Variants in COL23A1 observed in about 807,000 individuals in gnomAD.
COL23A1 encodes collagen alpha-1(XXIII) chain.
Under a neutral mutation model 99.3 loss-of-function variants are expected in COL23A1, and 97 were observed. That is an observed-to-expected ratio of 0.98 (90% confidence interval 0.83 to 1.16). The LOEUF (loss-of-function observed/expected upper bound fraction) is 1.16, where lower values mean the gene tolerates loss of function less well. COL23A1 is among the 50% of genes most tolerant of loss of function. The pLI is 0.00. For synonymous variants in COL23A1, 320 were observed against 308.2 expected (o/e 1.04, Z -0.40); for missense variants, 762 against 757.4 (o/e 1.01, Z -0.07).
At chr5:178,543,261 C>T (rs1025410549) in intron 2 of COL23A1, among the ~76,000 whole-genome samples, 8 of 152,138 alleles carry the variant, frequency 5.3e-5, no homozygotes, top group African/African-American at 1.9e-4. Flanking sequence ...GCATGCACCA[C>T]CACACCTTGC....
chr5:178,566,268 G>C (rs1191575188), intron 1 of COL23A1, among the ~76,000 whole-genome samples: 1 of 152,120 alleles, frequency 6.6e-6, no homozygotes, highest in African/African-American at 2.4e-5. Flanking sequence ...GGAGATTAAG[G>C]GTGACAGAAC....
chr5:178,307,329 T>C lies in COL23A1; in HGVS notation c.362-410A>G, dbSNP rs1486037514. On this transcript the variant is annotated intron_variant, in intron 2 of 28. Coordinates refer to ENST00000390654, the MANE Select transcript of COL23A1 (RefSeq NM_173465.4). This position sits in a 1 kb window ranked among gnomAD's most constrained non-coding sequence, Gnocchi z 4.2. ...TTAGGAAAGCCCTGACAAACGCTGC[T>C]TCATATTCACTAAAGTAAAACAACA... 6.6e-6 allele frequency among the ~76,000 whole-genome samples: 1 copy of C among 152,210 alleles called. No individual in the cohort carries two copies. The highest frequency in any genetic ancestry group is 1.9e-4 in the East Asian group (1 of 5,190).
chr5:178,479,460 C>T (rs1039306537), intron 2 of COL23A1, among the ~76,000 whole-genome samples: 2 of 152,216 alleles, frequency 1.3e-5, no homozygotes, highest in Non-Finnish European at 1.5e-5. Flanking sequence ...TGCGCCACAG[C>T]GGCCGGTGAG....
chr5:178,358,116 TGTGTAC>T (rs1645813002), intron 2 of COL23A1, among the ~76,000 whole-genome samples: 1 of 151,484 alleles, frequency 6.6e-6, no homozygotes, highest in African/African-American at 2.4e-5. Flanking sequence ...TGTATGTGTA[TGTGTAC>T]GTGTGTACGT....
In COL23A1 at chr5:178,467,354, T is replaced by C. The variant is rs1161025877; in HGVS notation, c.361+93328A>G. The stretch of plus-strand genomic sequence containing the variant: ...TTCCACCCCCTTGGCCAGCAGCCTC[T>C]AAGTGACAAACGCTCCCTGACTCTG... On this transcript the variant is annotated intron_variant, in intron 2 of 28. Transcript: ENST00000390654. 3.3e-5 allele frequency among the ~76,000 whole-genome samples: 5 copies of C among 152,182 alleles called. No individual in the cohort carries two copies. In the East Asian group the frequency reaches 7.7e-4, roughly 23 times the overall value.
At position 178,309,033 on chromosome 5, in the gene COL23A1, AG is replaced by A. The variant is rs1758521464; in HGVS notation, c.362-2115del. On this transcript the variant is annotated intron_variant, in intron 2 of 28. Transcript: ENST00000390654. The surrounding 1 kb of genome is among the most constrained non-coding windows in gnomAD (Gnocchi z 4.7). Reference sequence around the variant, plus strand: ...TAGGCCCCGGGCCCCAGGCAGAGTGAGGGGGCATGGCAGGAAAGGGGCCAGG... The same window carrying A: ...TAGGCCCCGGGCCCCAGGCAGAGTGAGGGGCATGGCAGGAAAGGGGCCAGG... Among the ~76,000 whole-genome samples the A allele has an allele frequency of 6.6e-6, 1 of 152,056 alleles. No homozygotes were observed. The highest frequency in any genetic ancestry group is 1.5e-5 in the Non-Finnish European group (1 of 67,992).
intron 25 of COL23A1, among the ~76,000 whole-genome samples, chr5:178,243,652 A>G (rs1764528392): frequency 6.6e-6 from 1 of 152,162 alleles, no homozygotes; most frequent in South Asian, 2.1e-4. Context: ...GGGCTGTTCT[A>G]TCACAGGTGG....
intron 2 of COL23A1, among the ~76,000 whole-genome samples, chr5:178,450,858 G>A (rs1011954946): frequency 1.3e-5 from 2 of 152,200 alleles, no homozygotes; most frequent in Non-Finnish European, 2.9e-5. Flanking sequence ...ATCATGAACT[G>A]CAGACAGAGC....
intron 2 of COL23A1, among the ~76,000 whole-genome samples, chr5:178,443,377 C>T (rs1446950602): frequency 6.6e-6 from 1 of 152,222 alleles, no homozygotes; most frequent in Non-Finnish European, 1.5e-5. Flanking sequence ...CCTCTTTGTT[C>T]AGATTCTGGC....
chr5:178,382,343 C>A (rs902893328), intron 2 of COL23A1, among the ~76,000 whole-genome samples: 1 of 152,210 alleles, frequency 6.6e-6, no homozygotes, highest in African/African-American at 2.4e-5. Context: ...GAATCAGGTT[C>A]TTTCTGTGGG....
chr5:178,565,036 C>T (rs771729637), intron 1 of COL23A1, among the ~76,000 whole-genome samples: 54 of 152,128 alleles, frequency 3.5e-4, no homozygotes, highest in Non-Finnish European at 6.0e-4. Context: ...ATCTCCTTGA[C>T]GCAACTGTCA....
At chr5:178,385,681 C>T (rs1239758981) in intron 2 of COL23A1, among the ~76,000 whole-genome samples, 4 of 152,208 alleles carry the variant, frequency 2.6e-5, no homozygotes, top group Admixed American at 1.3e-4. Context: ...ATCTGCCACA[C>T]GTCGTGGCTT....
intron 1 of COL23A1, among the ~76,000 whole-genome samples, chr5:178,576,443 G>A (rs1195959844): frequency 1.3e-5 from 2 of 152,122 alleles, no homozygotes; most frequent in East Asian, 1.9e-4. Flanking sequence ...CCATACTGGC[G>A]AGGCTGGTCT....
chr5:178,361,579 G>C (rs900361319), intron 2 of COL23A1, among the ~76,000 whole-genome samples: 6 of 151,716 alleles, frequency 4.0e-5, no homozygotes, highest in African/African-American at 1.5e-4. Flanking sequence ...TGGCCCCCTG[G>C]CCTTGTCTCC....
chr5:178,342,787 G>GA lies in COL23A1; in HGVS notation c.362-35869dup, dbSNP rs369802005. Among the ~76,000 whole-genome samples, 577 of 122,304 alleles carry GA rather than the reference G, an allele frequency of 4.7e-3. 7 individuals are homozygous for GA. Among genetic ancestry groups the GA allele is most frequent in the African/African-American group, 0.014 (553 of 38,554 alleles). 80.2% of individuals were successfully genotyped at this position (122,304 alleles called of 152,430 possible). A position where few individuals can be genotyped will look rare whatever the true frequency, so the allele number is the denominator to read the frequency against. On this transcript the variant is annotated intron_variant, in intron 2 of 28. Transcript: ENST00000390654. ...CTGATTAAAGTCTCATTCTTGTCAAGAAAAAAAAAACAAACAAACAGAAAA... is the reference window on the plus strand; with the variant it reads ...CTGATTAAAGTCTCATTCTTGTCAAGAAAAAAAAAAACAAACAAACAGAAAA...
At chr5:178,475,468 T>C (rs979214777) in intron 2 of COL23A1, among the ~76,000 whole-genome samples, 1 of 152,208 alleles carries the variant, frequency 6.6e-6, no homozygotes, top group South Asian at 2.1e-4. Flanking sequence ...CCTGTGCCTA[T>C]ACTCCTGACT....
chr5:178,258,750 A>G (rs1453273934), intron 12 of COL23A1, among the ~76,000 whole-genome samples: 1 of 151,904 alleles, frequency 6.6e-6, no homozygotes, highest in Non-Finnish European at 1.5e-5. Flanking sequence ...GCTGGAGTGC[A>G]GTGGCACAAT....
chr5:178,442,378 C>T (rs1032192070), intron 2 of COL23A1, among the ~76,000 whole-genome samples: 7 of 151,760 alleles, frequency 4.6e-5, no homozygotes, highest in African/African-American at 1.7e-4. Flanking sequence ...AGATCACCGC[C>T]ATCTCCACAT....
At chr5:178,524,053 G>T (rs1429498420) in intron 2 of COL23A1, among the ~76,000 whole-genome samples, 1 of 152,176 alleles carries the variant, frequency 6.6e-6, no homozygotes, top group Non-Finnish European at 1.5e-5. Context: ...GAGGGTCTCT[G>T]GTGTATCAGC....
Sources: allele counts gnomAD v4.1 joint callset (sites outside exome capture counted in the v4.1 genomes callset), GRCh38; gene constraint gnomAD v4.1.1; non-coding constraint Gnocchi (gnomAD v3.1); transcripts MANE v1.5; gene names NCBI Gene and HGNC (gene_info 2026-07-23, HGNC 2026-07-21).